The following ZNF174 variants were observed in gnomAD, a reference collection of about 807,000 sequenced individuals.
The protein encoded by ZNF174 is AW-1.
In ZNF174, 30 loss-of-function variants were observed where a neutral mutation model predicts 38.7. That is an observed-to-expected ratio of 0.78 (90% CI 0.58 to 1.05). The LOEUF (loss-of-function observed/expected upper bound fraction) is 1.05, where lower values mean the gene tolerates loss of function less well. Ranked by LOEUF, ZNF174 falls within the 50% of genes least tolerant of loss-of-function variation. ZNF174 has a pLI of 0.00. For missense variants in ZNF174, 499 were observed against 495.6 expected (o/e 1.01, Z -0.06); for synonymous variants, 201 against 181.7 (o/e 1.11, Z -0.86).
chr16:3,406,997 T>C (rs2034065264), intron 2 of ZNF174, among the ~76,000 whole-genome samples: 1 of 152,200 alleles, frequency 6.6e-6, no homozygotes, highest in South Asian at 2.1e-4. Context: ...GTCAATCTGA[T>C]CAGGGGTCTG....
Position 3,408,394 on chromosome 16 carries a change from A to G in ZNF174, c.699A>G (p.Ala233=), listed in dbSNP as rs879782452. The part of the protein sequence containing the change: ...QEGAKGAKPC[A]VSAGRSKGNG... The stretch of plus-strand genomic sequence containing the variant: ...GGGCTAAAGGAGCAAAGCCATGTGC[A>G]GTGTCAGCTGGCAGATCCAAAGGGA... The change falls in exon 3 of 3, where the codon GCA becomes GCG. Residue 233 remains alanine, a synonymous_variant. Coordinates refer to ENST00000268655, the MANE Select transcript of ZNF174 (RefSeq NM_003450.3). 6.2e-7 allele frequency: 1 copy of G among 1,614,254 alleles called. No homozygotes were observed. Among genetic ancestry groups the G allele is most frequent in the Non-Finnish European group, 8.5e-7 (1 of 1,180,038 alleles).
chr16:3,404,261 C>T (rs1206279709), intron 1 of ZNF174, among the ~76,000 whole-genome samples, 165 bp from the exon 2 acceptor site: 2 of 152,208 alleles, frequency 1.3e-5, no homozygotes, highest in African/African-American at 4.8e-5. Flanking sequence ...TCATTCTTCA[C>T]GTTCTCCCCT....
chr16:3,401,720 A>AT lies in ZNF174; in HGVS notation c.-279dup, dbSNP rs2033907925. 5.8e-6 allele frequency: 2 copies of AT among 342,884 alleles called. No homozygotes were observed. Among genetic ancestry groups the AT allele is most frequent in the South Asian group, 3.2e-5 (1 of 30,958 alleles). The allele number at this position is 342,884 out of a possible 1,614,324, so 21.2% of individuals were successfully genotyped here. On this transcript the variant is annotated 5_prime_UTR_variant, in exon 1 of 3. Coordinates refer to ENST00000268655, the MANE Select transcript of ZNF174 (RefSeq NM_003450.3). ...TGCTTGCTACTGAAATAAAAGAAGTATTTTTTCCCCAGAGTCCTTTTAGGA... is the reference window on the plus strand; with the variant it reads ...TGCTTGCTACTGAAATAAAAGAAGTATTTTTTTCCCCAGAGTCCTTTTAGGA...
rs2034088830 is a variant in ZNF174, at chr16:3,408,756, A to G, written c.1061A>G (p.Tyr354Cys). The stretch of plus-strand genomic sequence containing the variant: ...AGAGTCCACACAGGAGAGAGACCCT[A>G]CACGTGCGGAGAGTGTGGAAACTGC... ...HKRVHTGERPYTCGECGNCFG... is the reference protein window; with the variant it reads ...HKRVHTGERPCTCGECGNCFG... The change falls in exon 3 of 3, where the codon TAC (tyrosine) becomes TGC (cysteine). Residue 354 changes from tyrosine to cysteine, a missense_variant. Transcript: ENST00000268655. 2 of 1,614,090 alleles carry G rather than the reference A, an allele frequency of 1.2e-6. No homozygotes were observed. Among genetic ancestry groups the G allele is most frequent in the African/African-American group, 2.7e-5 (2 of 74,926 alleles).
intron 1 of ZNF174, among the ~76,000 whole-genome samples, chr16:3,403,470 C>G (rs1474488222): frequency 1.3e-5 from 2 of 149,692 alleles, no homozygotes; most frequent in Non-Finnish European, 3.0e-5. Context: ...CACACCTGGC[C>G]TAGCTTTTTG....
chr16:3,407,983 G>T (rs1025426092), intron 2 of ZNF174, among the ~76,000 whole-genome samples: 2 of 152,136 alleles, frequency 1.3e-5, no homozygotes, highest in East Asian at 1.9e-4. Flanking sequence ...ATTCTGATGG[G>T]TTTGCTTTTC....
chr16:3,404,279 C>A, intron 1 of ZNF174, 147 bp from the exon 2 acceptor site: 1 of 775,754 alleles, frequency 1.3e-6, no homozygotes, highest in Non-Finnish European at 2.1e-6. Context: ...CCTTTACTTC[C>A]TTTGAGGGTT....
At chr16:3,404,362 C>T in intron 1 of ZNF174, 64 bp from the exon 2 acceptor site, 1 of 1,477,780 alleles carries the variant, frequency 6.8e-7, no homozygotes, top group East Asian at 2.3e-5. Flanking sequence ...CATTATACAA[C>T]AGTGAGAGAT....
chr16:3,406,998 C>T (rs1042175735), intron 2 of ZNF174, among the ~76,000 whole-genome samples: 1 of 152,146 alleles, frequency 6.6e-6, no homozygotes, highest in Admixed American at 6.6e-5. Context: ...TCAATCTGAT[C>T]AGGGGTCTGT....
At position 3,402,150 on chromosome 16, in the gene ZNF174, T is replaced by C. The variant is rs776126028; in HGVS notation, c.146T>C (p.Phe49Ser). 2 of 1,614,140 alleles carry C rather than the reference T, an allele frequency of 1.2e-6. No individual in the cohort carries two copies. The highest frequency in any genetic ancestry group is 4.5e-5 in the East Asian group (2 of 44,878). The change falls in exon 1 of 3, where the codon TTC (phenylalanine) becomes TCC (serine). Residue 49 changes from phenylalanine (F) to serine (S), a missense_variant. Transcript: ENST00000268655. ...GATCCTGAGCTCTGCCGCCAGAGCT[T>C]CAGACGCTTTTGTTATCAAGAGGTG... ...CPDPELCRQS[F>S]RRFCYQEVSG...
In ZNF174 at chr16:3,408,979, C is replaced by G. The variant is rs1431816980; in HGVS notation, c.*60C>G. The G allele has an allele frequency of 1.4e-6, 2 of 1,467,098 alleles. No homozygotes were observed. The highest frequency in any genetic ancestry group is 9.2e-7 in the Non-Finnish European group (1 of 1,085,022). The allele number at this position is 1,467,098 out of a possible 1,614,324, so 90.9% of individuals were successfully genotyped here. A position where few individuals can be genotyped will look rare whatever the true frequency, so the allele number is the denominator to read the frequency against. ...GTGTTTGTGTTTCTCCTCCCCCTTA[C>G]TTGCATGTAAATCACAAAAACTGTG... On this transcript the variant is annotated 3_prime_UTR_variant, in exon 3 of 3. Coordinates refer to ENST00000268655, the MANE Select transcript of ZNF174 (RefSeq NM_003450.3).
Position 3,401,941 on chromosome 16 carries a change from C to T in ZNF174, c.-64C>T. The T allele has an allele frequency of 1.3e-6, 2 of 1,564,334 alleles. No individual in the cohort carries two copies. Among genetic ancestry groups the T allele is most frequent in the Non-Finnish European group, 1.7e-6 (2 of 1,159,736 alleles). On this transcript the variant is annotated 5_prime_UTR_variant, in exon 1 of 3. Coordinates refer to ENST00000268655, the MANE Select transcript of ZNF174 (RefSeq NM_003450.3). The stretch of plus-strand genomic sequence containing the variant: ...ATCTTTCTAGTATTCAGAGACTTCT[C>T]CAGGGTCATGATCCCAAAGGCTTAA...
intron 2 of ZNF174, 50 bp from the exon 3 acceptor site, chr16:3,408,271 A>C (rs764777423): frequency 1.8e-5 from 27 of 1,504,302 alleles, no homozygotes; most frequent in Non-Finnish European, 2.1e-5. Context: ...CTCTTGCTGA[A>C]GTTATTTCTT....
At position 3,408,754 on chromosome 16, in the gene ZNF174, C is replaced by T; in HGVS notation, c.1059C>T (p.Pro353=). Residue 353 remains proline (P), a synonymous_variant, in exon 3 of 3, where the codon CCC becomes CCT. Transcript: ENST00000268655. ...AGAGAGTCCACACAGGAGAGAGACC[C>T]TACACGTGCGGAGAGTGTGGAAACT... ...RHKRVHTGER[P]YTCGECGNCF... is the part of the protein sequence containing the mutation. 2 of 1,614,168 alleles carry T rather than the reference C, an allele frequency of 1.2e-6. No homozygotes were observed. Among genetic ancestry groups the T allele is most frequent in the Non-Finnish European group, 1.7e-6 (2 of 1,180,036 alleles).
rs1055961645 is a variant in ZNF174, at chr16:3,408,344, AAC to A, written c.651_652del (p.Asn217LysfsTer10). 6.3e-7 allele frequency: 1 copy of A among 1,593,552 alleles called. No individual in the cohort carries two copies. The highest frequency in any genetic ancestry group is 1.4e-5 in the African/African-American group (1 of 73,936). ...AGAGGCCCCCAGAATGAGAAGTGACAACAAGGAAAATCCACAACAGGAAGGGG... is the reference window on the plus strand; with the variant it reads ...AGAGGCCCCCAGAATGAGAAGTGACAAAGGAAAATCCACAACAGGAAGGGG... Reference protein sequence around the residue: ...GTEAPRMRSDNKENPQQEGAK... With the variant: ...GTEAPRMRSDXKENPQQEGAK... On this transcript the variant is annotated frameshift_variant, in exon 3 of 3. Transcript: ENST00000268655. LOFTEE classifies it high-confidence loss of function.
chr16:3,405,134 C>G, intron 2 of ZNF174: 2 of 1,410,570 alleles, frequency 1.4e-6, no homozygotes, highest in South Asian at 3.0e-5. Flanking sequence ...AACTGCTGGC[C>G]TTGTTCTACA....
intron 2 of ZNF174, 56 bp from the exon 3 acceptor site, chr16:3,408,265 T>C: frequency 1.3e-6 from 2 of 1,492,382 alleles, no homozygotes; most frequent in South Asian, 1.3e-5. Flanking sequence ...TCATAACTCT[T>C]GCTGAAGTTA....
chr16:3,405,611 T>C (rs1472682705), intron 2 of ZNF174, among the ~76,000 whole-genome samples: 2 of 152,224 alleles, frequency 1.3e-5, no homozygotes. Flanking sequence ...CCTTGGGAGT[T>C]AGAATTTCAT....
chr16:3,402,456 T>TC (rs1567339046), intron 1 of ZNF174, 50 bp downstream of exon 1: 11 of 1,521,516 alleles, frequency 7.2e-6, no homozygotes, highest in East Asian at 4.6e-5. Flanking sequence ...TTCTTTTCTT[T>TC]TTTTTTTTTT....
Sources: allele counts gnomAD v4.1 joint callset (sites outside exome capture counted in the v4.1 genomes callset), GRCh38; gene constraint gnomAD v4.1.1; transcripts MANE v1.5; gene names NCBI Gene and HGNC (gene_info 2026-07-23, HGNC 2026-07-21).